SOX6: variants seen among roughly 807,000 people sequenced by gnomAD.
SOX6 encodes the protein SRY-box transcription factor 6.
A neutral mutation model predicts 97.8 loss-of-function variants in SOX6; 11 were observed. The observed-to-expected ratio is 0.11, with a 90% CI of 0.07 to 0.19. The LOEUF is 0.19. SOX6 is among the 10% of genes least tolerant of loss of function. The probability of loss-of-function intolerance (pLI) is 1.00; values close to 1 mark genes in which losing one functional copy is unlikely to be tolerated. For synonymous variants in SOX6, 360 were observed against 371.4 expected, an observed-to-expected ratio of 0.97 and a Z score of 0.35; for missense variants, 810 against 1,039.5, an observed-to-expected ratio of 0.78 and a Z score of 3.04.
chr11:16,061,121 T>A (rs972037542), intron 9 of SOX6, among the ~76,000 whole-genome samples: 1 of 151,504 alleles, frequency 6.6e-6, no homozygotes, highest in Non-Finnish European at 1.5e-5. Flanking sequence ...GGCAAAAAAA[T>A]TTAGTCAAGT....
intron 2 of SOX6, among the ~76,000 whole-genome samples, chr11:16,322,081 T>C (rs1855944300): frequency 6.6e-6 from 1 of 152,108 alleles, no homozygotes; most frequent in Non-Finnish European, 1.5e-5. Flanking sequence ...GTAAATTTTA[T>C]TAAGAAAAAA....
rs1859395483 is a variant in SOX6, at chr11:16,437,250, C to CAG, written c.-5+39063_-5+39064dup. ...TGCCACTGCACTCCGGCCTGGGGGG[C>CAG]AGAGCAAAACCCTGTCTCTATTTTT... On this transcript the variant is annotated intron_variant, in intron 1 of 15. Transcript: ENST00000396356. 4.7e-5 allele frequency among the ~76,000 whole-genome samples: 7 copies of CAG among 149,778 alleles called. No homozygotes were observed. The South Asian group carries it at 1.5e-3, about 32-fold the overall frequency.
intron 6 of SOX6, among the ~76,000 whole-genome samples, chr11:16,121,488 A>G (rs1486570754): frequency 6.6e-6 from 1 of 152,002 alleles, no homozygotes; most frequent in Non-Finnish European, 1.5e-5. Flanking sequence ...TGCCTTAAAG[A>G]CATCTATAGC....
At chr11:16,641,657 G>A (rs1034972871) in intron 3 of SOX6, among the ~76,000 whole-genome samples, 1 of 152,196 alleles carries the variant, frequency 6.6e-6, no homozygotes, top group Non-Finnish European at 1.5e-5. Flanking sequence ...TTACCATTAT[G>A]TAATGGCCTT....
At chr11:16,249,217 C>T (rs1853436089) in intron 3 of SOX6, among the ~76,000 whole-genome samples, 1 of 152,132 alleles carries the variant, frequency 6.6e-6, no homozygotes, top group African/African-American at 2.4e-5. Flanking sequence ...CGTTAGGCTG[C>T]AAATTTTCCA....
intron 12 of SOX6, among the ~76,000 whole-genome samples, chr11:16,025,454 T>C (rs923209213): frequency 1.3e-5 from 2 of 152,216 alleles, no homozygotes; most frequent in African/African-American, 4.8e-5. Flanking sequence ...ACATGTACCA[T>C]ATGAACAAAG....
intron 1 of SOX6, among the ~76,000 whole-genome samples, chr11:16,364,495 C>G (rs144295158): frequency 0.013 from 2,016 of 152,170 alleles, 25 homozygotes; most frequent in Middle Eastern, 0.024. Flanking sequence ...TTGAGGGCAA[C>G]AAGACTGTTC....
At chr11:16,205,629 A>G (rs1286694742) in intron 4 of SOX6, among the ~76,000 whole-genome samples, 2 of 152,152 alleles carry the variant, frequency 1.3e-5, no homozygotes, top group African/African-American at 2.4e-5. Flanking sequence ...ACGTAAGTAT[A>G]TAGTTATTAA....
chr11:16,685,011 G>A (rs896373655), intron 3 of SOX6, among the ~76,000 whole-genome samples: 5 of 151,972 alleles, frequency 3.3e-5, no homozygotes, highest in African/African-American at 1.2e-4. Flanking sequence ...CAGATCTAAT[G>A]AGTACTCACT....
At chr11:16,498,320 G>T (rs1860643332) in intron 4 of SOX6, among the ~76,000 whole-genome samples, 1 of 152,120 alleles carries the variant, frequency 6.6e-6, no homozygotes, top group African/African-American at 2.4e-5. Context: ...ACTAAACATG[G>T]AAAGGAACAA....
At chr11:16,712,121 A>ACC (rs1554902210) in intron 3 of SOX6, among the ~76,000 whole-genome samples, 2 of 142,412 alleles carry the variant, frequency 1.4e-5, no homozygotes, top group African/African-American at 2.6e-5. Context: ...ACACACACAC[A>ACC]CCACAGTTTC....
chr11:16,038,010 G>A (rs1855561785), intron 12 of SOX6, among the ~76,000 whole-genome samples: 1 of 151,950 alleles, frequency 6.6e-6, no homozygotes, highest in Non-Finnish European at 1.5e-5. Context: ...ATTTTGGAAG[G>A]AAAATATTAA....
chr11:16,146,857 G>T (rs1165914306), intron 6 of SOX6, among the ~76,000 whole-genome samples: 1 of 152,118 alleles, frequency 6.6e-6, no homozygotes, highest in Non-Finnish European at 1.5e-5. Context: ...GAAACAACAG[G>T]TGCTAGAGAG....
chr11:16,555,864 T>A (rs1416516802), intron 4 of SOX6, among the ~76,000 whole-genome samples: 2 of 151,728 alleles, frequency 1.3e-5, no homozygotes, highest in Non-Finnish European at 3.0e-5. Context: ...AATAATATAT[T>A]TTGTTAAGTC....
chr11:16,349,725 A>AAGG (rs1198692275), intron 1 of SOX6, among the ~76,000 whole-genome samples: 1 of 134,276 alleles, frequency 7.4e-6, no homozygotes, highest in Non-Finnish European at 1.6e-5. Context: ...AGAAGGAAGG[A>AAGG]AGGAAGGAAG....
chr11:16,516,891 A>G (rs909372877), intron 4 of SOX6, among the ~76,000 whole-genome samples: 1 of 149,556 alleles, frequency 6.7e-6, no homozygotes, highest in Non-Finnish European at 1.5e-5. Flanking sequence ...AGAATTTTAG[A>G]TCAATATCCT....
chr11:16,044,052 T>A (rs952537661), intron 12 of SOX6, among the ~76,000 whole-genome samples: 3 of 152,154 alleles, frequency 2.0e-5, no homozygotes, highest in Non-Finnish European at 2.9e-5. Flanking sequence ...TGGGTTTTTT[T>A]AAAAAATTAA....
At chr11:16,347,119 A>G (rs969560578) in intron 1 of SOX6, among the ~76,000 whole-genome samples, 6 of 151,996 alleles carry the variant, frequency 3.9e-5, no homozygotes, top group African/African-American at 1.4e-4. Flanking sequence ...TCACGTAACT[A>G]CCTCTGTCTA....
At chr11:16,413,702 G>A (rs1297131420) in intron 1 of SOX6, among the ~76,000 whole-genome samples, 1 of 151,478 alleles carries the variant, frequency 6.6e-6, no homozygotes, top group Admixed American at 6.6e-5. Context: ...TGTATTTTTA[G>A]TGGAGACGGG....
Sources: gnomAD v4.1 joint callset for allele counts (sites outside exome capture counted in the v4.1 genomes callset) on GRCh38, gnomAD v4.1.1 for gene constraint, MANE v1.5 for transcripts, NCBI Gene and HGNC (gene_info 2026-07-23, HGNC 2026-07-21) for gene names.